ASB2: variants seen among roughly 807,000 people sequenced by gnomAD.
ASB2 encodes the protein ankyrin repeat and SOCS box protein 2.
ASB2 carries 58 observed loss-of-function variants against 62.4 expected under a neutral mutation model. The ratio of observed to expected loss-of-function variants is 0.93; its 90% CI spans 0.75 to 1.16. ASB2 has a LOEUF of 1.16. ASB2 is among the 50% of genes most tolerant of loss of function. The pLI is 0.00. For synonymous variants in ASB2, 386 were observed against 385.3 expected, an observed-to-expected ratio of 1.00 and a Z score of -0.02; for missense variants, 928 against 887.9, an observed-to-expected ratio of 1.05 and a Z score of -0.57.
chr14:93,972,256 C>G (rs1314903431), intron 1 of ASB2, among the ~76,000 whole-genome samples: 2 of 151,652 alleles, frequency 1.3e-5, no homozygotes, highest in Non-Finnish European at 2.9e-5. Context: ...AATGCTCTCT[C>G]CTTCTGCCAA....
intron 3 of ASB2, chr14:93,955,015 C>T: frequency 2.2e-6 from 1 of 456,640 alleles, no homozygotes; most frequent in East Asian, 6.9e-5. Context: ...GATTTGAGGG[C>T]TAAAGTGAAG....
rs371537990 is a variant in ASB2, at chr14:93,954,344, C to G, written c.451G>C (p.Val151Leu). Reference sequence around the variant, plus strand: ...CGCTGCAGGACTTTCAGGCAGCCCACCTGGCCATAGTATGCGGCCTCGTGC... The same window carrying G: ...CGCTGCAGGACTTTCAGGCAGCCCAGCTGGCCATAGTATGCGGCCTCGTGC... ...PLHEAAYYGQ[V>L]GCLKVLQRAY... The change falls in exon 4 of 10, where the codon GTG (valine) becomes CTG (leucine). Residue 151 changes from valine to leucine, a missense_variant. Transcript: ENST00000555019. 10 of 1,613,766 alleles carry G rather than the reference C, an allele frequency of 6.2e-6. No individual in the cohort carries two copies. Among genetic ancestry groups the G allele is most frequent in the Admixed American group, 3.3e-5 (2 of 60,008 alleles).
intron 7 of ASB2, chr14:93,942,195 C>T (rs1888551819): frequency 2.2e-6 from 1 of 455,968 alleles, no homozygotes; most frequent in Non-Finnish European, 4.4e-6. Context: ...CCACTTCTCC[C>T]ACAGGCACGT....
At position 93,953,491 on chromosome 14, in the gene ASB2, G is replaced by A. The variant is rs768403388; in HGVS notation, c.495C>T (p.Ile165=). The A allele has an allele frequency of 3.8e-6, 6 of 1,595,814 alleles. No individual in the cohort carries two copies. The East Asian group carries it at 6.8e-5, about 18-fold the overall frequency. ...KVLQRAYPGT[I]DQRTLQEETA... is the part of the protein sequence containing the mutation. ...TTTCCTCCTGCAGGGTGCGCTGGTC[G>A]ATGGTCCCTGGGTACGCTAGGGAGG... Residue 165 remains isoleucine, a synonymous_variant, in exon 5 of 10, where the codon ATC becomes ATT. Coordinates refer to ENST00000555019, the MANE Select transcript of ASB2 (RefSeq NM_001202429.2).
chr14:93,938,492 G>A (rs1053371198), intron 8 of ASB2, among the ~76,000 whole-genome samples: 2 of 151,992 alleles, frequency 1.3e-5, no homozygotes, highest in Admixed American at 6.5e-5. Flanking sequence ...CGCCGGCCTC[G>A]GCCTCCCAAA....
chr14:93,942,203 C>T lies in ASB2; in HGVS notation c.1053-2531G>A, dbSNP rs555955463. The T allele has an allele frequency of 2.0e-5, 9 of 456,050 alleles. No homozygotes were observed. The East Asian group carries it at 2.1e-4, about 11-fold the overall frequency. 28.3% of individuals were successfully genotyped at this position (456,050 alleles called of 1,614,324 possible). A position where few individuals can be genotyped will look rare whatever the true frequency, so the allele number is the denominator to read the frequency against. On this transcript the variant is annotated intron_variant, in intron 7 of 9. Coordinates refer to ENST00000555019, the MANE Select transcript of ASB2 (RefSeq NM_001202429.2). ...ACTCTTCCCACTTCTCCCACAGGCA[C>T]GTTTTGGATTCTCAGAGTATAATTG... is the stretch of plus-strand genomic sequence containing the variant.
At chr14:93,965,751 C>A (rs1697534445) in intron 1 of ASB2, among the ~76,000 whole-genome samples, 1 of 152,276 alleles carries the variant, frequency 6.6e-6, no homozygotes, top group Non-Finnish European at 1.5e-5. Flanking sequence ...TTTCCCCACC[C>A]TTCCCTGTTG....
At chr14:93,943,994 G>T (rs962150243) in intron 7 of ASB2, 9 of 455,950 alleles carry the variant, frequency 2.0e-5, no homozygotes, top group South Asian at 3.1e-5. Context: ...CAGAAGTAAG[G>T]CCCAGAATGC....
Position 93,956,811 on chromosome 14 carries a change from AC to A in ASB2, c.265del (p.Val89SerfsTer21). The A allele has an allele frequency of 6.2e-7, 1 of 1,613,684 alleles. No individual in the cohort carries two copies. The highest frequency in any genetic ancestry group is 8.5e-7 in the Non-Finnish European group (1 of 1,179,944). On this transcript the variant is annotated frameshift_variant, in exon 3 of 10. Transcript: ENST00000555019. LOFTEE classifies it high-confidence loss of function. ...CAAGCTGCTGCTGTATTTCTGCATG[AC>A]CCCTTGGAACAAGCCCATTGGGGCC... is the stretch of plus-strand genomic sequence containing the variant. ...ARAPMGLFQG[V>X]MQKYSSSLFK...
At chr14:93,949,969 C>G (rs953738381) in intron 6 of ASB2, among the ~76,000 whole-genome samples, 2 of 152,098 alleles carry the variant, frequency 1.3e-5, no homozygotes, top group Non-Finnish European at 2.9e-5. Context: ...CCCGTGCTGC[C>G]GACTCTCACA....
At chr14:93,973,692 A>T (rs7147004) in intron 1 of ASB2, among the ~76,000 whole-genome samples, 4,793 of 152,298 alleles carry the variant, frequency 0.031, 265 homozygotes, top group African/African-American at 0.11. Flanking sequence ...GCCCTGCCAG[A>T]GGCTGGCCCC....
chr14:93,938,547 G>T (rs373604938), intron 8 of ASB2, among the ~76,000 whole-genome samples: 70 of 152,252 alleles, frequency 4.6e-4, no homozygotes, highest in African/African-American at 1.6e-3. Context: ...GCCAAGTTCT[G>T]ACTTTTAAAG....
At chr14:93,973,141 C>T (rs1463752094) in intron 1 of ASB2, among the ~76,000 whole-genome samples, 1 of 152,144 alleles carries the variant, frequency 6.6e-6, no homozygotes, top group Non-Finnish European at 1.5e-5. Context: ...AGGGGTGTGA[C>T]TGCCCCTACA....
Position 93,951,003 on chromosome 14 carries a change from C to A in ASB2, c.876G>T (p.Lys292Asn). Residue 292 changes from lysine to asparagine, a missense_variant, in exon 6 of 10, where the codon AAG becomes AAT. Transcript: ENST00000555019. Reference protein sequence around the residue: ...GQLEALRFLAKYGADINTQAS... With the variant: ...GQLEALRFLANYGADINTQAS... ...TAGGGACCCTTAGCCACTCACCGTA[C>A]TTGGCTAAGAACCTCAAGGCCTCCA... The A allele has an allele frequency of 1.2e-6, 2 of 1,613,124 alleles. No individual in the cohort carries two copies. The highest frequency in any genetic ancestry group is 1.7e-6 in the Non-Finnish European group (2 of 1,179,504).
intron 2 of ASB2, among the ~76,000 whole-genome samples, chr14:93,958,712 G>C (rs939431515): frequency 6.6e-6 from 1 of 152,208 alleles, no homozygotes; most frequent in Non-Finnish European, 1.5e-5. Context: ...AGGAGAGACA[G>C]CCGGCAGGTG....
chr14:93,943,043 C>A (rs1012705486), intron 7 of ASB2, among the ~76,000 whole-genome samples: 2 of 152,198 alleles, frequency 1.3e-5, no homozygotes, highest in Non-Finnish European at 2.9e-5. Flanking sequence ...CCTAGCATGA[C>A]CCTCAGAGCT....
intron 8 of ASB2, among the ~76,000 whole-genome samples, chr14:93,938,243 T>TTTTTTTTG (rs1888348740): frequency 7.4e-6 from 1 of 135,630 alleles, no homozygotes; most frequent in Non-Finnish European, 1.6e-5. Context: ...CTTTTTTTTT[T>TTTTTTTTG]TTTTTTTTTT....
Position 93,942,201 on chromosome 14 carries a change from C to G in ASB2, c.1053-2529G>C, listed in dbSNP as rs1352067350. The G allele has an allele frequency of 2.0e-5, 9 of 455,952 alleles. No individual in the cohort carries two copies. The East Asian group carries it at 4.2e-4, about 21-fold the overall frequency. The allele number at this position is 455,952 out of a possible 1,614,324, so 28.2% of individuals were successfully genotyped here. A position where few individuals can be genotyped will look rare whatever the true frequency, so the allele number is the denominator to read the frequency against. ...TGACTCTTCCCACTTCTCCCACAGG[C>G]ACGTTTTGGATTCTCAGAGTATAAT... is the stretch of plus-strand genomic sequence containing the variant. On this transcript the variant is annotated intron_variant, in intron 7 of 9. Coordinates refer to ENST00000555019, the MANE Select transcript of ASB2 (RefSeq NM_001202429.2).
intron 1 of ASB2, 100 bp from the exon 2 acceptor site, chr14:93,964,712 C>T (rs1237997289): frequency 4.7e-6 from 3 of 635,912 alleles, no homozygotes; most frequent in African/African-American, 1.8e-5. Flanking sequence ...GTAACACATT[C>T]ATTTCTAAAT....
Sources: gnomAD v4.1 joint callset for allele counts (sites outside exome capture counted in the v4.1 genomes callset) on GRCh38, gnomAD v4.1.1 for gene constraint, MANE v1.5 for transcripts, NCBI Gene and HGNC (gene_info 2026-07-23, HGNC 2026-07-21) for gene names.